The following UBE2F variants were observed in gnomAD, a reference collection of about 807,000 sequenced individuals.
The protein encoded by UBE2F is ubiquitin conjugating enzyme E2 F (putative).
UBE2F carries 5 observed loss-of-function variants against 29.6 expected under a neutral mutation model. That is an observed-to-expected ratio of 0.17 (90% CI 0.09 to 0.36). The LOEUF is 0.36. Among genes scored for constraint, UBE2F ranks in the 10% least tolerant of loss-of-function variants. The pLI is 1.00. For missense variants in UBE2F, 141 were observed against 228.5 expected, an observed-to-expected ratio of 0.62 and a Z score of 2.47; for synonymous variants, 66 against 81.8, an observed-to-expected ratio of 0.81 and a Z score of 1.04.
chr2:238,001,104 G>A (rs1423423901), intron 4 of UBE2F, among the ~76,000 whole-genome samples: 3 of 136,754 alleles, frequency 2.2e-5, no homozygotes, highest in African/African-American at 5.5e-5. Flanking sequence ...GTGCAATCTC[G>A]GCTCACCGCA....
chr2:237,967,616 G>T lies in UBE2F; in HGVS notation c.-17+484G>T, dbSNP rs2063084516. Among the ~76,000 whole-genome samples, 1 of 152,202 alleles carries T rather than the reference G, an allele frequency of 6.6e-6. No individual in the cohort carries two copies. Among genetic ancestry groups the T allele is most frequent in the Admixed American group, 6.5e-5 (1 of 15,284 alleles). ...TGGACTCCCGATCGGGGCAGGAGTCGCGCTAGGCCGTGAGGAGCGGGGGAG... is the reference window on the plus strand; with the variant it reads ...TGGACTCCCGATCGGGGCAGGAGTCTCGCTAGGCCGTGAGGAGCGGGGGAG... On this transcript the variant is annotated intron_variant, in intron 1 of 9. Transcript: ENST00000272930. This position sits in a 1 kb window ranked among gnomAD's most constrained non-coding sequence, Gnocchi z 6.3.
Position 238,040,436 on chromosome 2 carries a change from A to G in UBE2F, c.508-852A>G, listed in dbSNP as rs1283158206. On this transcript the variant is annotated intron_variant, in intron 9 of 9. Coordinates refer to ENST00000272930, the MANE Select transcript of UBE2F (RefSeq NM_080678.3). The surrounding 1 kb of genome is among the most constrained non-coding windows in gnomAD (Gnocchi z 4.4). ...ATGGAGCTCATGCCCACTAAGAACT[A>G]TGGTAACTGTGCTGTGTTCCCTGGG... is the stretch of plus-strand genomic sequence containing the variant. 6.6e-6 allele frequency among the ~76,000 whole-genome samples: 1 copy of G among 152,182 alleles called. No individual in the cohort carries two copies. Among genetic ancestry groups the G allele is most frequent in the African/African-American group, 2.4e-5 (1 of 41,444 alleles).
intron 2 of UBE2F, among the ~76,000 whole-genome samples, chr2:237,977,793 A>C (rs1403484359): frequency 6.6e-6 from 1 of 152,154 alleles, no homozygotes; most frequent in Non-Finnish European, 1.5e-5. Flanking sequence ...AAAGATTACT[A>C]TAGTCAGAAC....
At chr2:238,008,606 G>T (rs953037295) in intron 4 of UBE2F, among the ~76,000 whole-genome samples, 3 of 152,116 alleles carry the variant, frequency 2.0e-5, no homozygotes, top group African/African-American at 4.8e-5. Flanking sequence ...CCTTTGCAAA[G>T]AACCTACTTT....
At chr2:238,004,294 G>C (rs1285174810) in intron 4 of UBE2F, among the ~76,000 whole-genome samples, 1 of 152,092 alleles carries the variant, frequency 6.6e-6, no homozygotes, top group East Asian at 1.9e-4. Context: ...TTTACTCATG[G>C]TAGTGGTTAC....
chr2:238,013,145 C>G lies in UBE2F; in HGVS notation c.215-3421C>G, dbSNP rs1209372984. Among the ~76,000 whole-genome samples, 3 of 152,126 alleles carry G rather than the reference C, an allele frequency of 2.0e-5. No homozygotes were observed. The East Asian group carries it at 5.8e-4, about 29-fold the overall frequency. On this transcript the variant is annotated intron_variant, in intron 4 of 9. Coordinates refer to ENST00000272930, the MANE Select transcript of UBE2F (RefSeq NM_080678.3). ...ACTAGCTGGGCGTGGTGGCACACACCTGTAGTCCCAGCTACTTGGGTGGTT... is the reference window on the plus strand; with the variant it reads ...ACTAGCTGGGCGTGGTGGCACACACGTGTAGTCCCAGCTACTTGGGTGGTT...
chr2:238,035,975 A>G (rs750094806), intron 9 of UBE2F, 35 bp downstream of exon 9: 22 of 1,573,524 alleles, frequency 1.4e-5, no homozygotes, highest in Non-Finnish European at 1.7e-5. Context: ...AGGTTGATGT[A>G]CTTGTCACGA....
rs189716397 is a variant in UBE2F at position 238,028,665 on chromosome 2, T to G, written c.354-1891T>G. On this transcript the variant is annotated intron_variant, in intron 6 of 9. Transcript: ENST00000272930. The stretch of plus-strand genomic sequence containing the variant: ...TAAAAGTAAATTTTAATGGTCAATT[T>G]AAGGTTAGTTATCTGTTTTTTTTAA... Among the ~76,000 whole-genome samples the G allele has an allele frequency of 4.2e-3, 634 of 152,326 alleles. 10 individuals carry two copies. Among genetic ancestry groups the G allele is most frequent in the East Asian group, 6.9e-3 (36 of 5,186 alleles).
intron 1 of UBE2F, among the ~76,000 whole-genome samples, chr2:237,969,085 C>T (rs932560342): frequency 6.6e-6 from 1 of 152,138 alleles, no homozygotes; most frequent in South Asian, 2.1e-4. Flanking sequence ...TATTAGATTT[C>T]TTAGAATGTT....
Position 238,040,729 on chromosome 2 carries a change from C to T in UBE2F, c.508-559C>T, listed in dbSNP as rs2064820589. On this transcript the variant is annotated intron_variant, in intron 9 of 9. Coordinates refer to ENST00000272930, the MANE Select transcript of UBE2F (RefSeq NM_080678.3). The surrounding 1 kb of genome is among the most constrained non-coding windows in gnomAD (Gnocchi z 4.4). ...CACACCGCCTTTGGTCACTGTCCAC[C>T]TTCATTTCAATGCATGAGGATGGAG... 6.6e-6 allele frequency among the ~76,000 whole-genome samples: 1 copy of T among 152,124 alleles called. No homozygotes were observed.
At chr2:238,022,224 C>T (rs1279116633) in intron 5 of UBE2F, among the ~76,000 whole-genome samples, 4 of 150,424 alleles carry the variant, frequency 2.7e-5, no homozygotes, top group African/African-American at 1.0e-4. Context: ...GGCTGGAGTC[C>T]GGTGGCACAG....
chr2:237,979,694 G>A (rs979492937), intron 2 of UBE2F, among the ~76,000 whole-genome samples: 6 of 152,196 alleles, frequency 3.9e-5, no homozygotes, highest in African/African-American at 1.2e-4. Context: ...GAGCTGCCCC[G>A]GGAAACTTGG....
chr2:238,023,398 T>TAA (rs2064340163), intron 5 of UBE2F, among the ~76,000 whole-genome samples: 4 of 152,258 alleles, frequency 2.6e-5, no homozygotes, highest in Admixed American at 2.6e-4. Context: ...ACAGTCAGTT[T>TAA]AATCAGTTTT....
rs555271978 is a variant in UBE2F, at chr2:237,972,513, T to G, written c.-16-579T>G. Among the ~76,000 whole-genome samples, 8 of 151,770 alleles carry G rather than the reference T, an allele frequency of 5.3e-5. No homozygotes were observed. The East Asian group carries it at 1.6e-3, about 29-fold the overall frequency. On this transcript the variant is annotated intron_variant, in intron 1 of 9. Transcript: ENST00000272930. ...CCCAGGACCTGGCACCCAGTGAGTGTGAAATGCATGACTCTTTTTAATTTT... is the reference window on the plus strand; with the variant it reads ...CCCAGGACCTGGCACCCAGTGAGTGGGAAATGCATGACTCTTTTTAATTTT...
chr2:238,039,547 T>G (rs1320482023), intron 9 of UBE2F, among the ~76,000 whole-genome samples: 1 of 152,264 alleles, frequency 6.6e-6, no homozygotes, highest in Non-Finnish European at 1.5e-5. Flanking sequence ...ATCCCTGTTT[T>G]GCTGCTGAGG....
At chr2:237,985,277 A>G (rs2063458980) in intron 2 of UBE2F, among the ~76,000 whole-genome samples, 1 of 152,228 alleles carries the variant, frequency 6.6e-6, no homozygotes, top group Non-Finnish European at 1.5e-5. Context: ...CATATAAAAC[A>G]ATATTATGAA....
intron 2 of UBE2F, among the ~76,000 whole-genome samples, chr2:237,984,586 C>G (rs763052770): frequency 1.9e-4 from 29 of 152,170 alleles, no homozygotes; most frequent in Non-Finnish European, 5.9e-5. Flanking sequence ...TTCCTCAGTC[C>G]CCACAGCTGG....
intron 4 of UBE2F, among the ~76,000 whole-genome samples, chr2:237,997,287 A>G (rs1237622493): frequency 6.6e-6 from 1 of 152,198 alleles, no homozygotes; most frequent in African/African-American, 2.4e-5. Flanking sequence ...TAATGCCTGA[A>G]TATTCATATT....
At chr2:238,033,540 C>T (rs72977102) in intron 8 of UBE2F, among the ~76,000 whole-genome samples, 6,413 of 152,280 alleles carry the variant, frequency 0.042, 165 homozygotes, top group South Asian at 0.071. Flanking sequence ...GCAGAGGCAC[C>T]TGCAGGACTC....
Sources: gnomAD v4.1 joint callset for allele counts (sites outside exome capture counted in the v4.1 genomes callset) on GRCh38, gnomAD v4.1.1 for gene constraint, Gnocchi (gnomAD v3.1) non-coding constraint, MANE v1.5 for transcripts, NCBI Gene and HGNC (gene_info 2026-07-23, HGNC 2026-07-21) for gene names.